Variants in RIGI observed in about 807,000 individuals in gnomAD.
The protein encoded by RIGI is antiviral innate immune response receptor RIG-I.
At chr9:32,526,105 T>C in the RIGI span, 5 of 1,613,472 alleles carry the variant, frequency 3.1e-6, no homozygotes, top group African/African-American at 1.3e-5. Flanking sequence ...GTAGGTAGGG[T>C]CCAGGGTCTT....
At chr9:32,476,899 G>A in the RIGI span, 3 of 1,193,864 alleles carry the variant, frequency 2.5e-6, no homozygotes, top group East Asian at 2.4e-5. Flanking sequence ...TGGGATTACA[G>A]GCGTGAGACA....
chr9:32,523,904 A>G, the RIGI span, among the ~76,000 whole-genome samples: 8 of 151,924 alleles, frequency 5.3e-5, no homozygotes, highest in Non-Finnish European at 1.2e-4. Context: ...CTCTCTCTCC[A>G]CAATGCCACC....
chr9:32,496,293 A>G, the RIGI span, among the ~76,000 whole-genome samples: 1 of 152,134 alleles, frequency 6.6e-6, no homozygotes, highest in Non-Finnish European at 1.5e-5. Context: ...TTTCTGTGTC[A>G]ACTTGACTGG....
the RIGI span, among the ~76,000 whole-genome samples, chr9:32,458,104 T>C: frequency 6.6e-6 from 1 of 152,204 alleles, no homozygotes; most frequent in East Asian, 1.9e-4. Context: ...TTCTGCTTTC[T>C]GAAGACGAAC....
At chr9:32,500,673 CTT>C in the RIGI span, 1 of 1,105,706 alleles carries the variant, frequency 9.0e-7, no homozygotes, top group African/African-American at 1.6e-5. Flanking sequence ...TAAAAACAGT[CTT>C]TACATTGTCT....
chr9:32,487,575 A>C, the RIGI span: 1 of 1,614,204 alleles, frequency 6.2e-7, no homozygotes, highest in Non-Finnish European at 8.5e-7. Context: ...GATATAATCC[A>C]AGGCTTCATC....
the RIGI span, among the ~76,000 whole-genome samples, chr9:32,464,209 T>C: frequency 6.6e-6 from 1 of 151,592 alleles, no homozygotes; most frequent in African/African-American, 2.4e-5. Flanking sequence ...GCTTTTGCCC[T>C]CTGTTCTGCA....
chr9:32,478,040 G>GGTTTTT, the RIGI span, among the ~76,000 whole-genome samples: 2 of 151,740 alleles, frequency 1.3e-5, no homozygotes, highest in East Asian at 1.9e-4. Context: ...CTGTTTTATC[G>GGTTTTT]GTTTTTGTTT....
chr9:32,466,242 CCT>C, the RIGI span: 8 of 1,593,120 alleles, frequency 5.0e-6, no homozygotes, highest in Non-Finnish European at 6.9e-6. Context: ...CCTCACATTC[CCT>C]GATAGTTATT....
At chr9:32,521,152 A>AAAAAAAAAAAAAAC in the RIGI span, among the ~76,000 whole-genome samples, 2 of 150,416 alleles carry the variant, frequency 1.3e-5, no homozygotes, top group Non-Finnish European at 3.0e-5. Context: ...AAAAAAAAAA[A>AAAAAAAAAAAAAAC]AAAAAAAAAA....
chr9:32,504,173 C>A, the RIGI span, among the ~76,000 whole-genome samples: 1 of 152,148 alleles, frequency 6.6e-6, no homozygotes, highest in East Asian at 1.9e-4. Context: ...TTCAGTGCTC[C>A]TTTTCCAAGA....
chr9:32,481,502 T>TAA, the RIGI span: 3,148 of 1,343,564 alleles, frequency 2.3e-3, no homozygotes, highest in Middle Eastern at 3.2e-3. Context: ...AGTTTTCTGT[T>TAA]AAAAAAAAAA....
chr9:32,477,124 C>A, the RIGI span: 1 of 1,612,926 alleles, frequency 6.2e-7, no homozygotes, highest in Non-Finnish European at 8.5e-7. Context: ...CTAGTTCCTG[C>A]AGCTTTTCTG....
chr9:32,526,185 C>G, the RIGI span: 100 of 1,602,020 alleles, frequency 6.2e-5, no homozygotes, highest in African/African-American at 1.1e-3. Context: ...CTGCTTGCAG[C>G]TAGCTACGTT....
the RIGI span, among the ~76,000 whole-genome samples, chr9:32,499,850 A>T: frequency 4.6e-5 from 7 of 151,850 alleles, no homozygotes; most frequent in Admixed American, 1.3e-4. Flanking sequence ...AAACTCCTGG[A>T]CTCTAGCAGT....
chr9:32,488,127 T>C, the RIGI span: 1 of 1,614,108 alleles, frequency 6.2e-7, no homozygotes, highest in African/African-American at 1.3e-5. Flanking sequence ...GTTAAAATGA[T>C]GATGTCATTG....
At chr9:32,499,687 G>A in the RIGI span, among the ~76,000 whole-genome samples, 12 of 152,160 alleles carry the variant, frequency 7.9e-5, no homozygotes, top group African/African-American at 2.4e-4. Flanking sequence ...AACTCCTGAC[G>A]TCAGGTAATC....
At chr9:32,493,382 T>G in the RIGI span, among the ~76,000 whole-genome samples, 36 of 152,190 alleles carry the variant, frequency 2.4e-4, 1 homozygote, top group Admixed American at 1.7e-3. Flanking sequence ...TCCCAGCACT[T>G]TGAGAGGCCA....
chr9:32,466,365 G>A, the RIGI span: 3 of 1,613,738 alleles, frequency 1.9e-6, no homozygotes, highest in Admixed American at 3.3e-5. Context: ...CTTTGTACAT[G>A]TTTATTTGTT....
Sources: gnomAD v4.1 joint callset for allele counts (sites outside exome capture counted in the v4.1 genomes callset) on GRCh38, gnomAD v4.1.1 for gene constraint, MANE v1.5 for transcripts, NCBI Gene and HGNC (gene_info 2026-07-23, HGNC 2026-07-21) for gene names.